Variants in NIM1K observed in about 807,000 individuals in gnomAD.
NIM1K encodes the protein NIM1 serine/threonine protein kinase.
Under a neutral mutation model 37.1 loss-of-function variants are expected in NIM1K, and 35 were observed. That is an observed-to-expected ratio of 0.94 (90% confidence interval 0.72 to 1.25). The LOEUF is 1.25. NIM1K is among the 50% of genes most tolerant of loss of function. NIM1K has a pLI of 0.00. For missense variants in NIM1K, 564 were observed against 548.0 expected, an observed-to-expected ratio of 1.03 and a Z score of -0.29; for synonymous variants, 234 against 206.6, an observed-to-expected ratio of 1.13 and a Z score of -1.14.
chr5:43,202,594 C>T (rs1214679977), intron 1 of NIM1K, among the ~76,000 whole-genome samples: 1 of 152,204 alleles, frequency 6.6e-6, no homozygotes, highest in Admixed American at 6.5e-5. Flanking sequence ...AGCCAGTCGG[C>T]TTGGAGCCTC....
chr5:43,256,329 C>T (rs1366205679), intron 2 of NIM1K, among the ~76,000 whole-genome samples: 2 of 152,008 alleles, frequency 1.3e-5, no homozygotes, highest in African/African-American at 2.4e-5. Context: ...TGGAGCTTGG[C>T]GGTATTTAAA....
chr5:43,210,082 A>G (rs1014831258), intron 1 of NIM1K, among the ~76,000 whole-genome samples: 7 of 152,122 alleles, frequency 4.6e-5, no homozygotes, highest in Non-Finnish European at 1.0e-4. Flanking sequence ...GAAACACCAG[A>G]CAGGATTTGA....
intron 1 of NIM1K, among the ~76,000 whole-genome samples, chr5:43,242,467 G>C (rs1275213356): frequency 2.6e-5 from 4 of 151,798 alleles, no homozygotes; most frequent in Non-Finnish European, 4.4e-5. Context: ...GGGGAGACTT[G>C]CATTTCGAAG....
At chr5:43,241,150 T>C (rs1561084021) in intron 1 of NIM1K, among the ~76,000 whole-genome samples, 1 of 152,004 alleles carries the variant, frequency 6.6e-6, no homozygotes, top group Non-Finnish European at 1.5e-5. Flanking sequence ...TTTTTGCAGC[T>C]TTCAAATTTA....
chr5:43,215,880 C>T (rs1294005862), intron 1 of NIM1K, among the ~76,000 whole-genome samples: 1 of 152,200 alleles, frequency 6.6e-6, no homozygotes, highest in Non-Finnish European at 1.5e-5. Context: ...TTATTACTTA[C>T]TACGCCAGTT....
intron 3 of NIM1K, among the ~76,000 whole-genome samples, chr5:43,277,678 T>G (rs1473897385): frequency 6.6e-6 from 1 of 152,054 alleles, no homozygotes; most frequent in African/African-American, 2.4e-5. Flanking sequence ...TTCCTACTTC[T>G]GTCTAGGATG....
intron 2 of NIM1K, among the ~76,000 whole-genome samples, chr5:43,268,895 C>T (rs1047068918): frequency 6.6e-6 from 1 of 151,112 alleles, no homozygotes; most frequent in African/African-American, 2.4e-5. Context: ...AGATGTCCCC[C>T]ACTGCCATAA....
chr5:43,265,559 C>T (rs7714948), intron 2 of NIM1K, among the ~76,000 whole-genome samples: 105 of 152,218 alleles, frequency 6.9e-4, no homozygotes, highest in African/African-American at 2.3e-3. Flanking sequence ...GAGATGGGTT[C>T]GAACATCCTC....
chr5:43,248,158 AG>A (rs1752812154), intron 2 of NIM1K, among the ~76,000 whole-genome samples: 1 of 152,212 alleles, frequency 6.6e-6, no homozygotes. Flanking sequence ...CAGTGATTAT[AG>A]GACAGAGGAG....
At chr5:43,277,767 A>AC (rs1228006204) in intron 3 of NIM1K, among the ~76,000 whole-genome samples, 11 of 71,412 alleles carry the variant, frequency 1.5e-4, no homozygotes, top group Admixed American at 1.0e-3. Context: ...TCTCTCCCCC[A>AC]CCCCCCCTCT....
intron 2 of NIM1K, among the ~76,000 whole-genome samples, chr5:43,248,433 A>G (rs761542610): frequency 6.6e-6 from 1 of 152,188 alleles, no homozygotes; most frequent in African/African-American, 2.4e-5. Context: ...AAAGCAAGAG[A>G]TGCAGGAGAC....
Position 43,279,981 on chromosome 5 carries a change from A to T in NIM1K, c.563A>T (p.His188Leu). Reference protein sequence around the residue: ...SQIVSAVKHMHENQIIHRDLK... With the variant: ...SQIVSAVKHMLENQIIHRDLK... Reference sequence around the variant, plus strand: ...TTTTCTCTATGTCTTCTTCCACAGCATGAAAACCAAATTATTCATAGAGAT... The same window carrying T: ...TTTTCTCTATGTCTTCTTCCACAGCTTGAAAACCAAATTATTCATAGAGAT... The change falls in exon 4 of 4, where the codon CAT becomes CTT. Residue 188 changes from histidine to leucine, a missense_variant and splice_region_variant. Coordinates refer to ENST00000326035, the MANE Select transcript of NIM1K (RefSeq NM_153361.4). 1.9e-6 allele frequency: 3 copies of T among 1,606,066 alleles called. No individual in the cohort carries two copies. In the East Asian group the frequency reaches 6.7e-5, roughly 36 times the overall value.
Position 43,280,528 on chromosome 5 carries a change from T to C in NIM1K, c.1110T>C (p.His370=). The C allele has an allele frequency of 1.9e-6, 3 of 1,614,102 alleles. No individual in the cohort carries two copies. The highest frequency in any genetic ancestry group is 2.2e-5 in the East Asian group (1 of 44,870). Residue 370 remains histidine (H), a synonymous_variant, in exon 4 of 4, where the codon CAT becomes CAC. Transcript: ENST00000326035. ...AACATTTGGGCATTACAGAAGAGCA[T>C]ATTCGAAATAACCAAGGGAGAGATG... ...TLEHLGITEE[H]IRNNQGRDAR... is the part of the protein sequence containing the mutation.
chr5:43,273,904 A>G (rs982012720), intron 2 of NIM1K, among the ~76,000 whole-genome samples: 3 of 152,046 alleles, frequency 2.0e-5, no homozygotes, highest in African/African-American at 7.2e-5. Context: ...TTGGACTGTG[A>G]GAATAGTGTT....
At chr5:43,204,339 C>A (rs10044563) in intron 1 of NIM1K, among the ~76,000 whole-genome samples, 1 of 150,478 alleles carries the variant, frequency 6.6e-6, no homozygotes, top group African/African-American at 2.4e-5. Context: ...CCACCTCAGC[C>A]TCCCAAAGTG....
intron 3 of NIM1K, among the ~76,000 whole-genome samples, chr5:43,278,186 C>G (rs1753382105): frequency 6.6e-6 from 1 of 152,008 alleles, no homozygotes; most frequent in African/African-American, 2.4e-5. Flanking sequence ...GCTGGGATTA[C>G]AGGCATGTGC....
intron 1 of NIM1K, chr5:43,206,595 C>CAAGTGCTA: frequency 1.7e-6 from 1 of 577,052 alleles, no homozygotes; most frequent in Non-Finnish European, 3.1e-6. Context: ...AAGAAACGAG[C>CAAGTGCTA]AAGTGCTAGT....
intron 1 of NIM1K, among the ~76,000 whole-genome samples, chr5:43,197,663 C>T (rs183311959): frequency 1.3e-5 from 2 of 152,284 alleles, no homozygotes; most frequent in African/African-American, 4.8e-5. Context: ...ACTCCATACC[C>T]CCTCTCCCAT....
chr5:43,209,068 C>A (rs1752167342), intron 1 of NIM1K, among the ~76,000 whole-genome samples: 1 of 152,172 alleles, frequency 6.6e-6, no homozygotes, highest in Non-Finnish European at 1.5e-5. Flanking sequence ...AAAGTAAATT[C>A]TGCTGGAAGC....
Sources: gnomAD v4.1 joint callset for allele counts (sites outside exome capture counted in the v4.1 genomes callset) on GRCh38, gnomAD v4.1.1 for gene constraint, MANE v1.5 for transcripts, NCBI Gene and HGNC (gene_info 2026-07-23, HGNC 2026-07-21) for gene names.